CAMKMT: variants seen among roughly 807,000 people sequenced by gnomAD.
The protein encoded by CAMKMT is CaM KMT.
Under a neutral mutation model 48.0 loss-of-function variants are expected in CAMKMT, and 53 were observed. That is an observed-to-expected ratio of 1.10 (90% confidence interval 0.89 to 1.39). The LOEUF (loss-of-function observed/expected upper bound fraction) is 1.39, where lower values mean the gene tolerates loss of function less well. Ranked by LOEUF, CAMKMT falls within the 40% of genes most tolerant of loss-of-function variation. The pLI is 0.00. For missense variants in CAMKMT, 428 were observed against 402.7 expected (o/e 1.06, Z -0.54); for synonymous variants, 165 against 152.3 (o/e 1.08, Z -0.61).
intron 3 of CAMKMT, among the ~76,000 whole-genome samples, chr2:44,635,218 A>C (rs1384076151): frequency 6.6e-6 from 1 of 152,184 alleles, no homozygotes; most frequent in African/African-American, 2.4e-5. Flanking sequence ...TAAGGTGTCT[A>C]GATAAGGATA....
At chr2:44,766,221 C>T (rs1680835283) in intron 9 of CAMKMT, among the ~76,000 whole-genome samples, 1 of 152,214 alleles carries the variant, frequency 6.6e-6, no homozygotes, top group Non-Finnish European at 1.5e-5. Flanking sequence ...AACACAGCAA[C>T]TGGCCATTTG....
chr2:44,393,161 CT>C (rs1228864254), intron 3 of CAMKMT, among the ~76,000 whole-genome samples: 3 of 152,130 alleles, frequency 2.0e-5, no homozygotes, highest in African/African-American at 7.2e-5. Context: ...GTCTTACCTT[CT>C]GAATTGGTTT....
intron 6 of CAMKMT, among the ~76,000 whole-genome samples, chr2:44,712,183 A>G (rs1324408411): frequency 1.3e-5 from 2 of 152,208 alleles, no homozygotes; most frequent in East Asian, 3.9e-4. Flanking sequence ...AAAACTTGAG[A>G]GATCAAAATG....
intron 3 of CAMKMT, among the ~76,000 whole-genome samples, chr2:44,450,278 G>A (rs1375388539): frequency 1.3e-5 from 2 of 152,154 alleles, no homozygotes; most frequent in East Asian, 3.8e-4. Context: ...TCAAGCCTGA[G>A]CTGTCTTCCA....
At chr2:44,456,513 GCTTTAA>G in intron 3 of CAMKMT, 3 of 1,542,072 alleles carry the variant, frequency 1.9e-6, no homozygotes, top group Non-Finnish European at 8.7e-7. Context: ...GGAATGAAAA[GCTTTAA>G]CTACAGCCAA....
At chr2:44,659,744 T>A (rs181292060) in intron 3 of CAMKMT, among the ~76,000 whole-genome samples, 72 of 152,258 alleles carry the variant, frequency 4.7e-4, no homozygotes, top group African/African-American at 1.7e-3. Context: ...ACTGTATCAC[T>A]TACTTGGGGA....
chr2:44,571,872 C>T lies in CAMKMT; in HGVS notation c.377-132411C>T, dbSNP rs576112617. Among the ~76,000 whole-genome samples the T allele has an allele frequency of 2.0e-5, 3 of 152,240 alleles. No homozygotes were observed. In the East Asian group the frequency reaches 5.8e-4, roughly 29 times the overall value. On this transcript the variant is annotated intron_variant, in intron 3 of 10. Coordinates refer to ENST00000378494, the MANE Select transcript of CAMKMT (RefSeq NM_024766.5). ...CAAATAACAGTTATTACTTGCAGAG[C>T]TTATACTTGAGATGATATTAACATA...
intron 3 of CAMKMT, among the ~76,000 whole-genome samples, chr2:44,510,067 A>C (rs1670463171): frequency 6.6e-6 from 1 of 152,222 alleles, no homozygotes; most frequent in Admixed American, 6.5e-5. Flanking sequence ...ACCATAGAAT[A>C]ATTATTGAAA....
rs923002747 is a variant in CAMKMT at position 44,649,803 on chromosome 2, C to G, written c.377-54480C>G. 3.3e-5 allele frequency among the ~76,000 whole-genome samples: 5 copies of G among 152,260 alleles called. No homozygotes were observed. The South Asian group carries it at 1.0e-3, about 32-fold the overall frequency. ...TGTGGCTTTCATTCTTAGTATCAAG[C>G]GGGTCACTGTACCTTTAGCCAAGGC... On this transcript the variant is annotated intron_variant, in intron 3 of 10. Coordinates refer to ENST00000378494, the MANE Select transcript of CAMKMT (RefSeq NM_024766.5).
At chr2:44,649,074 A>G (rs371297174) in intron 3 of CAMKMT, among the ~76,000 whole-genome samples, 37 of 152,320 alleles carry the variant, frequency 2.4e-4, no homozygotes, top group East Asian at 1.5e-3. Context: ...AAAATCACAC[A>G]TACACATATC....
At chr2:44,674,770 T>C (rs1288901491) in intron 3 of CAMKMT, among the ~76,000 whole-genome samples, 2 of 152,220 alleles carry the variant, frequency 1.3e-5, no homozygotes, top group African/African-American at 4.8e-5. Context: ...CAAGCAAGAT[T>C]TGAAGCTGAT....
chr2:44,463,220 G>A (rs1302623673), intron 3 of CAMKMT, among the ~76,000 whole-genome samples: 1 of 152,166 alleles, frequency 6.6e-6, no homozygotes, highest in South Asian at 2.1e-4. Flanking sequence ...AGTAATGTCA[G>A]CAAGAATAGG....
chr2:44,767,810 AGG>A (rs1186436263), intron 10 of CAMKMT, among the ~76,000 whole-genome samples: 2 of 152,150 alleles, frequency 1.3e-5, no homozygotes, highest in African/African-American at 2.4e-5. Context: ...CTCCACCCAA[AGG>A]AATAATGTGG....
chr2:44,394,118 A>G (rs1203721948), intron 3 of CAMKMT, among the ~76,000 whole-genome samples: 2 of 152,180 alleles, frequency 1.3e-5, no homozygotes, highest in African/African-American at 4.8e-5. Flanking sequence ...ATAATTTATT[A>G]TAAACTATGT....
chr2:44,444,902 T>A (rs1196469934), intron 3 of CAMKMT, among the ~76,000 whole-genome samples: 1 of 152,124 alleles, frequency 6.6e-6, no homozygotes, highest in Non-Finnish European at 1.5e-5. Context: ...GCATTCGGCT[T>A]ATGAAAAGGA....
rs1260586923 is a variant in CAMKMT, at chr2:44,738,888, C to T, written c.624-4734C>T. Among the ~76,000 whole-genome samples the T allele has an allele frequency of 2.0e-5, 3 of 152,120 alleles. No homozygotes were observed. In the East Asian group the frequency reaches 5.8e-4, roughly 29 times the overall value. On this transcript the variant is annotated intron_variant, in intron 7 of 10. Coordinates refer to ENST00000378494, the MANE Select transcript of CAMKMT (RefSeq NM_024766.5). ...ATACACAAAGACCTGAAGGAGGTGA[C>T]GGAGTGAGCTGTAGCTATAGAGATA...
chr2:44,552,107 T>G (rs961488755), intron 3 of CAMKMT, among the ~76,000 whole-genome samples: 120 of 152,150 alleles, frequency 7.9e-4, no homozygotes, highest in African/African-American at 2.8e-3. Flanking sequence ...GTACATTGTT[T>G]TACCCATTAG....
chr2:44,426,615 C>A lies in CAMKMT; in HGVS notation c.376+36310C>A, dbSNP rs532905335. ...ACACATACCTAGGAATACTTGTAACCAAGGAGGTGAAAAATCTCTATGAGG... is the reference window on the plus strand; with the variant it reads ...ACACATACCTAGGAATACTTGTAACAAAGGAGGTGAAAAATCTCTATGAGG... On this transcript the variant is annotated intron_variant, in intron 3 of 10. Coordinates refer to ENST00000378494, the MANE Select transcript of CAMKMT (RefSeq NM_024766.5). Among the ~76,000 whole-genome samples the A allele has an allele frequency of 9.9e-5, 15 of 152,116 alleles. No individual in the cohort carries two copies. In the South Asian group the frequency reaches 3.1e-3, roughly 32 times the overall value.
chr2:44,595,069 C>G (rs181865152), intron 3 of CAMKMT, among the ~76,000 whole-genome samples: 1 of 152,284 alleles, frequency 6.6e-6, no homozygotes, highest in African/African-American at 2.4e-5. Flanking sequence ...CATCACTGTT[C>G]ATTAGAGAAA....
Sources: allele counts gnomAD v4.1 joint callset (sites outside exome capture counted in the v4.1 genomes callset), GRCh38; gene constraint gnomAD v4.1.1; transcripts MANE v1.5; gene names NCBI Gene and HGNC (gene_info 2026-07-23, HGNC 2026-07-21).